GALNT17: variants seen among roughly 807,000 people sequenced by gnomAD.
GALNT17 encodes polypeptide N-acetylgalactosaminyltransferase 17.
In GALNT17, 29 loss-of-function variants were observed where a neutral mutation model predicts 63.7. The ratio of observed to expected loss-of-function variants is 0.46; its 90% CI spans 0.34 to 0.62. The LOEUF (loss-of-function observed/expected upper bound fraction) is 0.62, where lower values mean the gene tolerates loss of function less well. Among genes scored for constraint, GALNT17 ranks in the 20% least tolerant of loss-of-function variants. The pLI, the probability that GALNT17 is intolerant of heterozygous loss-of-function variation, is 0.01. For missense variants in GALNT17, 603 were observed against 799.6 expected, an observed-to-expected ratio of 0.75 and a Z score of 2.97; for synonymous variants, 305 against 318.3, an observed-to-expected ratio of 0.96 and a Z score of 0.45.
intron 5 of GALNT17, among the ~76,000 whole-genome samples, chr7:71,540,520 T>C (rs990724524): frequency 1.3e-5 from 2 of 152,110 alleles, no homozygotes; most frequent in African/African-American, 4.8e-5. Context: ...GTGCTGGGCT[T>C]ACAGCAGTGA....
intron 5 of GALNT17, among the ~76,000 whole-genome samples, chr7:71,426,313 G>A (rs1786760047): frequency 6.6e-6 from 1 of 152,158 alleles, no homozygotes; most frequent in South Asian, 2.1e-4. Context: ...TGTGTCCACA[G>A]CCCTCTCTGC....
Position 71,259,638 on chromosome 7 carries a change from G to GTTTTTTTTT in GALNT17, c.239-75905_239-75904insTTTTTTTTT, listed in dbSNP as rs1219751607. ...AGATCTTGGTCCTGTTTTGTTTTTTGTTTTTTTGTTTTTTTTTTTTTGAGA... is the reference window on the plus strand; with the variant it reads ...AGATCTTGGTCCTGTTTTGTTTTTTGTTTTTTTTTTTTTTTTGTTTTTTTTTTTTTGAGA... On this transcript the variant is annotated intron_variant, in intron 1 of 10. Coordinates refer to ENST00000333538, the MANE Select transcript of GALNT17 (RefSeq NM_022479.3). 3.4e-4 allele frequency among the ~76,000 whole-genome samples: 47 copies of GTTTTTTTTT among 138,004 alleles called. 2 individuals carry two copies. The highest frequency in any genetic ancestry group is 6.8e-4 in the African/African-American group (24 of 35,078). The allele number at this position is 138,004 out of a possible 152,430, so 90.5% of individuals were successfully genotyped here.
chr7:71,428,656 C>T (rs368795405), intron 5 of GALNT17, among the ~76,000 whole-genome samples: 1 of 152,240 alleles, frequency 6.6e-6, no homozygotes, highest in East Asian at 1.9e-4. Context: ...CCAGGATGGT[C>T]TCGATCTCTT....
intron 2 of GALNT17, among the ~76,000 whole-genome samples, chr7:71,362,830 GTCTTGA>G (rs1792430293): frequency 6.6e-6 from 1 of 152,172 alleles, no homozygotes. Flanking sequence ...GGCGACTCAG[GTCTTGA>G]CTGAAAGACC....
chr7:71,352,536 G>C (rs942053156), intron 2 of GALNT17, among the ~76,000 whole-genome samples: 8 of 152,132 alleles, frequency 5.3e-5, no homozygotes, highest in Non-Finnish European at 1.2e-4. Flanking sequence ...CTTGGGATTT[G>C]TTAAGTTTGA....
At chr7:71,558,771 C>T (rs1169185903) in intron 5 of GALNT17, among the ~76,000 whole-genome samples, 1 of 152,076 alleles carries the variant, frequency 6.6e-6, no homozygotes, top group African/African-American at 2.4e-5. Flanking sequence ...AGTATTATCC[C>T]GAGAAAATTG....
At chr7:71,320,050 G>A (rs1791576245) in intron 1 of GALNT17, among the ~76,000 whole-genome samples, 1 of 152,142 alleles carries the variant, frequency 6.6e-6, no homozygotes, top group South Asian at 2.1e-4. Flanking sequence ...CAAGCTCAAA[G>A]GCTGTGGGTG....
At chr7:71,415,361 C>T (rs561174159) in intron 3 of GALNT17, among the ~76,000 whole-genome samples, 2 of 152,292 alleles carry the variant, frequency 1.3e-5, no homozygotes, top group Admixed American at 6.5e-5. Context: ...ATAAAATTAG[C>T]TCATAGAAAT....
intron 5 of GALNT17, among the ~76,000 whole-genome samples, chr7:71,514,232 G>A (rs1291055303): frequency 2.0e-5 from 3 of 152,086 alleles, no homozygotes; most frequent in Admixed American, 6.5e-5. Context: ...GCATGATGGG[G>A]TAGGTGATAT....
chr7:71,455,878 T>C (rs1027294037), intron 5 of GALNT17, among the ~76,000 whole-genome samples: 1 of 152,198 alleles, frequency 6.6e-6, no homozygotes, highest in East Asian at 1.9e-4. Context: ...TTTGACCTAA[T>C]GAAAGGCAGG....
At chr7:71,635,111 G>T (rs1280097766) in intron 6 of GALNT17, among the ~76,000 whole-genome samples, 1 of 149,918 alleles carries the variant, frequency 6.7e-6, no homozygotes, top group African/African-American at 2.5e-5. Context: ...GGAGGCTGAG[G>T]CAGGAGAATT....
chr7:71,517,366 C>G (rs1284486906), intron 5 of GALNT17, among the ~76,000 whole-genome samples: 3 of 152,124 alleles, frequency 2.0e-5, no homozygotes, highest in Non-Finnish European at 2.9e-5. Flanking sequence ...TCCCAAAGTC[C>G]TGACCTGCCA....
intron 1 of GALNT17, among the ~76,000 whole-genome samples, chr7:71,259,408 G>C (rs1790342055): frequency 6.6e-6 from 1 of 152,202 alleles, no homozygotes; most frequent in African/African-American, 2.4e-5. Flanking sequence ...AAAGTATTAT[G>C]AAAACATAGA....
chr7:71,273,514 T>A (rs189305619), intron 1 of GALNT17, among the ~76,000 whole-genome samples: 45 of 152,360 alleles, frequency 3.0e-4, no homozygotes, highest in African/African-American at 1.1e-3. Flanking sequence ...TGAGTTGTTC[T>A]TGCTATCTCC....
At chr7:71,238,834 T>C (rs1419339289) in intron 1 of GALNT17, among the ~76,000 whole-genome samples, 1 of 152,180 alleles carries the variant, frequency 6.6e-6, no homozygotes, top group Admixed American at 6.5e-5. Flanking sequence ...GCAGAGACCA[T>C]GTGTGCCACT....
chr7:71,213,031 T>G (rs975500646), intron 1 of GALNT17, among the ~76,000 whole-genome samples: 8 of 152,148 alleles, frequency 5.3e-5, no homozygotes, highest in African/African-American at 1.9e-4. Context: ...TGTGAGGACA[T>G]GAGATTTGGA....
intron 4 of GALNT17, among the ~76,000 whole-genome samples, chr7:71,417,709 C>T (rs936358063): frequency 6.6e-6 from 1 of 152,154 alleles, no homozygotes; most frequent in African/African-American, 2.4e-5. Flanking sequence ...AAGATTCAGG[C>T]GAATGTTCCG....
At chr7:71,638,566 G>A (rs1463871567) in intron 6 of GALNT17, among the ~76,000 whole-genome samples, 2 of 152,144 alleles carry the variant, frequency 1.3e-5, no homozygotes, top group Non-Finnish European at 2.9e-5. Flanking sequence ...AGGGCATCCC[G>A]ATACAGACAC....
At position 71,665,704 on chromosome 7, in the gene GALNT17, A is replaced by G; in HGVS notation, c.1266+108A>G. 4 of 1,322,986 alleles carry G rather than the reference A, an allele frequency of 3.0e-6. 1 individual carries two copies. In the South Asian group the frequency reaches 5.7e-5, roughly 19 times the overall value. 82.0% of individuals were successfully genotyped at this position (1,322,986 alleles called of 1,614,324 possible). On this transcript the variant is annotated intron_variant, in intron 7 of 10. Coordinates refer to ENST00000333538, the MANE Select transcript of GALNT17 (RefSeq NM_022479.3). ...TCCTCCCCAGAAAATGCTCATGCTT[A>G]GAAAAATTATGAATGCATTTCAAAG...
Sources: gnomAD v4.1 joint callset for allele counts (sites outside exome capture counted in the v4.1 genomes callset) on GRCh38, gnomAD v4.1.1 for gene constraint, MANE v1.5 for transcripts, NCBI Gene and HGNC (gene_info 2026-07-23, HGNC 2026-07-21) for gene names.